VSIG10: variants seen among roughly 807,000 people sequenced by gnomAD.
VSIG10 encodes the protein V-set and immunoglobulin domain containing 10.
Under a neutral mutation model 58.7 loss-of-function variants are expected in VSIG10, and 48 were observed. The ratio of observed to expected loss-of-function variants is 0.82; its 90% CI spans 0.65 to 1.04. The LOEUF is 1.04. Among genes scored for constraint, VSIG10 ranks in the 50% least tolerant of loss-of-function variants. The pLI is 0.00. For synonymous variants in VSIG10, 260 were observed against 267.1 expected (o/e 0.97, Z 0.26); for missense variants, 628 against 670.0 (o/e 0.94, Z 0.69).
chr12:118,082,946 C>T (rs1304662521), intron 2 of VSIG10, among the ~76,000 whole-genome samples: 2 of 151,230 alleles, frequency 1.3e-5, no homozygotes, highest in Non-Finnish European at 2.9e-5. Context: ...AACCCTGTCT[C>T]TACTAAAAAT....
intron 2 of VSIG10, among the ~76,000 whole-genome samples, chr12:118,087,191 T>C (rs534714960): frequency 2.6e-5 from 4 of 152,202 alleles, no homozygotes; most frequent in Non-Finnish European, 5.9e-5. Context: ...GGCAAGACCC[T>C]TCAACTTCAC....
rs145475496 is a variant in VSIG10, at chr12:118,064,590, G to A, written c.*2049C>T. 1 of 152,118 alleles carries A rather than the reference G, an allele frequency of 6.6e-6. No homozygotes were observed. Among genetic ancestry groups the A allele is most frequent in the Non-Finnish European group, 1.5e-5 (1 of 68,032 alleles). 9.4% of individuals were successfully genotyped at this position (152,118 alleles called of 1,614,324 possible). A position where few individuals can be genotyped will look rare whatever the true frequency, so the allele number is the denominator to read the frequency against. On this transcript the variant is annotated 3_prime_UTR_variant, in exon 9 of 9. Transcript: ENST00000359236. Reference sequence around the variant, plus strand: ...TTCAGTGACTTTAGAAGCAAGCTGAGTATCTCATTCTAAAATGACACTGAT... The same window carrying A: ...TTCAGTGACTTTAGAAGCAAGCTGAATATCTCATTCTAAAATGACACTGAT...
chr12:118,074,075 T>TTTTTGTTTTGTTTTGTTTTG lies in VSIG10; in HGVS notation c.926-103_926-84dup, dbSNP rs141835961. ...AGATCTGCAGGAAAACTGCAGTAGT[T>TTTTTGTTTTGTTTTGTTTTG]TTTTGTTTTGTTTTGTTTTGTTTTG... On this transcript the variant is annotated intron_variant, in intron 4 of 8. Coordinates refer to ENST00000359236, the MANE Select transcript of VSIG10 (RefSeq NM_019086.6). The TTTTTGTTTTGTTTTGTTTTG allele has an allele frequency of 5.7e-6, 8 of 1,398,034 alleles. No homozygotes were observed. In the East Asian group the frequency reaches 9.6e-5, roughly 17 times the overall value. 86.6% of individuals were successfully genotyped at this position (1,398,034 alleles called of 1,614,324 possible).
intron 4 of VSIG10, among the ~76,000 whole-genome samples, chr12:118,077,274 C>T (rs985342267): frequency 9.2e-5 from 14 of 152,174 alleles, no homozygotes; most frequent in East Asian, 7.7e-4. Flanking sequence ...ACTCAGCCCA[C>T]GGATCTTCAC....
intron 2 of VSIG10, among the ~76,000 whole-genome samples, chr12:118,091,319 C>A (rs910235972): frequency 2.0e-5 from 3 of 151,942 alleles, no homozygotes; most frequent in Non-Finnish European, 4.4e-5. Context: ...GGTGAAACCC[C>A]ATCTCTACTA....
chr12:118,095,721 C>T lies in VSIG10; in HGVS notation c.173G>A (p.Arg58Gln), dbSNP rs372273973. The T allele has an allele frequency of 3.5e-5, 56 of 1,613,750 alleles. No homozygotes were observed. The highest frequency in any genetic ancestry group is 1.6e-4 in the Middle Eastern group (1 of 6,084). The change falls in exon 2 of 9, where the codon CGG (arginine) becomes CAG (glutamine). Residue 58 changes from arginine (R) to glutamine (Q), a missense_variant. Physicochemically the swap from Arg to Gln is conservative, Grantham distance 43. Transcript: ENST00000359236. ...AAGGAAGACAGGCTCCGAGTTGTTC[C>T]GGTACCAGGTCACCTGGCCCCTCAG... ...SGLRGQVTWY[R>Q]NNSEPVFLLS...
At chr12:118,082,559 A>T (rs1380901273) in intron 2 of VSIG10, 130 bp from the exon 3 acceptor site, 1 of 943,008 alleles carries the variant, frequency 1.1e-6, no homozygotes, top group African/African-American at 1.7e-5. Flanking sequence ...ATACTAGGTG[A>T]CAAATGCTAT....
chr12:118,095,763 C>T lies in VSIG10; in HGVS notation c.131G>A (p.Cys44Tyr). ...GEVHENVTLH[C>Y]GNISGLRGQV... ...GCCCCTCAGTCCCGAGATGTTGCCA[C>T]AGTGCAGAGTAACATTCTCATGAAC... The change falls in exon 2 of 9, where the codon TGT (cysteine) becomes TAT (tyrosine). Residue 44 changes from cysteine (C) to tyrosine (Y), a missense_variant. Transcript: ENST00000359236. 3.7e-6 allele frequency: 6 copies of T among 1,613,226 alleles called. No individual in the cohort carries two copies. Among genetic ancestry groups the T allele is most frequent in the Non-Finnish European group, 5.1e-6 (6 of 1,179,590 alleles).
At chr12:118,094,899 G>A (rs2137943417) in intron 2 of VSIG10, among the ~76,000 whole-genome samples, 1 of 149,492 alleles carries the variant, frequency 6.7e-6, no homozygotes, top group South Asian at 2.1e-4. Context: ...ACCATGCCTG[G>A]CGAATTTTTT....
At chr12:118,072,248 G>A (rs1199065844) in intron 5 of VSIG10, among the ~76,000 whole-genome samples, 1 of 151,910 alleles carries the variant, frequency 6.6e-6, no homozygotes, top group Admixed American at 6.6e-5. Context: ...GGCGGATCAC[G>A]AGGTCAGGAG....
chr12:118,070,560 A>G (rs1317172806), intron 7 of VSIG10, among the ~76,000 whole-genome samples: 1 of 151,722 alleles, frequency 6.6e-6, no homozygotes, highest in Non-Finnish European at 1.5e-5. Context: ...AAAAAAAAAA[A>G]AAAAGAAAAA....
intron 3 of VSIG10, 61 bp downstream of exon 3, chr12:118,082,066 G>T: frequency 3.5e-6 from 5 of 1,418,064 alleles, no homozygotes; most frequent in Non-Finnish European, 4.9e-6. Context: ...CAAACGTGCA[G>T]TTCATAAGTT....
Position 118,079,592 on chromosome 12 carries a change from CTGA to C in VSIG10, c.676_678del (p.Ser226del). 1 of 1,613,820 alleles carries C rather than the reference CTGA, an allele frequency of 6.2e-7. No individual in the cohort carries two copies. Among genetic ancestry groups the C allele is most frequent in the Non-Finnish European group, 8.5e-7 (1 of 1,179,874 alleles). ...GCCATCTGTGCCCAGCACTGGGGAG[CTGA>C]TGGAGGGGGATCTGCAAAACACCAG... is the stretch of plus-strand genomic sequence containing the variant. On this transcript the variant is annotated inframe_deletion, in exon 4 of 9. Transcript: ENST00000359236.
rs772958146 is a variant in VSIG10, at chr12:118,066,643, A to G, written c.1619T>C (p.Val540Ala). 3.3e-5 allele frequency: 54 copies of G among 1,613,472 alleles called. No individual in the cohort carries two copies. In the African/African-American group the frequency reaches 6.4e-4, roughly 19 times the overall value. ...AACCATGGACCATCCTCTTCTTCAG[A>G]CTGGCCTGTCTTCTTCTTGAACAAT... ...SDIVQEEDRP[V>A] is the part of the protein sequence containing the mutation. The change falls in exon 9 of 9, where the codon GTC (valine) becomes GCC (alanine). Residue 540 changes from valine (V) to alanine (A), a missense_variant. Physicochemically the swap from Val to Ala is moderately conservative, Grantham distance 64 (BLOSUM62 0). Transcript: ENST00000359236.
chr12:118,091,916 C>T (rs749111551), intron 2 of VSIG10, among the ~76,000 whole-genome samples: 4 of 152,056 alleles, frequency 2.6e-5, no homozygotes, highest in Non-Finnish European at 5.9e-5. Context: ...CACCACCACA[C>T]CTGGCTAATT....
chr12:118,070,963 A>G (rs1046073974), intron 7 of VSIG10, 89 bp downstream of exon 7: 29 of 1,478,540 alleles, frequency 2.0e-5, no homozygotes, highest in Non-Finnish European at 2.6e-5. Flanking sequence ...GGTAGTTGCT[A>G]TTATTGTTCT....
Position 118,103,851 on chromosome 12 carries a change from C to T in VSIG10, c.-180G>A. ...TGAGCCGAGTGTCCAGGGCCGGCAG[C>T]GGAGCTCGGCTGCAGGCTCGGGTCC... On this transcript the variant is annotated 5_prime_UTR_variant, in exon 1 of 9. Coordinates refer to ENST00000359236, the MANE Select transcript of VSIG10 (RefSeq NM_019086.6). 1.9e-6 allele frequency: 1 copy of T among 526,840 alleles called. No individual in the cohort carries two copies. Among genetic ancestry groups the T allele is most frequent in the Non-Finnish European group, 3.0e-6 (1 of 329,106 alleles). The allele number at this position is 526,840 out of a possible 1,614,324, so 32.6% of individuals were successfully genotyped here.
chr12:118,067,449 T>C lies in VSIG10; in HGVS notation c.1568-755A>G, dbSNP rs1593486001. ...CATTTCCCCTGCAGGTTTTAGTTTG[T>C]TCCCCTAAACTGGCCTTTTTTTTTT... On this transcript the variant is annotated intron_variant, in intron 8 of 8. Transcript: ENST00000359236. 2.0e-5 allele frequency among the ~76,000 whole-genome samples: 3 copies of C among 150,256 alleles called. No individual in the cohort carries two copies. The Admixed American group carries it at 2.0e-4, about 10-fold the overall frequency.
At chr12:118,094,595 G>A (rs1340155129) in intron 2 of VSIG10, among the ~76,000 whole-genome samples, 1 of 151,876 alleles carries the variant, frequency 6.6e-6, no homozygotes, top group Non-Finnish European at 1.5e-5. Flanking sequence ...TGTTGGCCAG[G>A]CTGGTCTTGA....
Sources: gnomAD v4.1 joint callset for allele counts (sites outside exome capture counted in the v4.1 genomes callset) on GRCh38, gnomAD v4.1.1 for gene constraint, MANE v1.5 for transcripts, NCBI Gene and HGNC (gene_info 2026-07-23, HGNC 2026-07-21) for gene names.